DYNC2LI1: variants seen among roughly 807,000 people sequenced by gnomAD.
The protein encoded by DYNC2LI1 is cytoplasmic dynein 2 light intermediate chain 1.
DYNC2LI1 carries 45 observed loss-of-function variants against 51.9 expected under a neutral mutation model. That is an observed-to-expected ratio of 0.87 (90% CI 0.68 to 1.11). The LOEUF is 1.11. DYNC2LI1 is among the 50% of genes most tolerant of loss of function. The pLI, the probability that DYNC2LI1 is intolerant of heterozygous loss-of-function variation, is 0.00. For synonymous variants in DYNC2LI1, 130 were observed against 137.8 expected (o/e 0.94, Z 0.40); for missense variants, 490 against 417.4 (o/e 1.17, Z -1.51).
chr2:43,782,791 A>C (rs140751212), intron 2 of DYNC2LI1, among the ~76,000 whole-genome samples: 2 of 152,018 alleles, frequency 1.3e-5, no homozygotes, highest in Non-Finnish European at 2.9e-5. Flanking sequence ...AGACCAGCCT[A>C]GCCAACATGG....
chr2:43,785,771 A>G (rs1389553360), intron 3 of DYNC2LI1, among the ~76,000 whole-genome samples: 3 of 151,944 alleles, frequency 2.0e-5, no homozygotes, highest in African/African-American at 7.2e-5. Context: ...ATCTAAAATA[A>G]TCAAACTCAG....
chr2:43,818,487 G>A, the DYNC2LI1 span, among the ~76,000 whole-genome samples: 86 of 152,236 alleles, frequency 5.6e-4, no homozygotes, highest in East Asian at 0.015. Flanking sequence ...TACAGAACGA[G>A]TATCACTTTC....
At chr2:43,806,616 A>G (rs551577857) in intron 12 of DYNC2LI1, among the ~76,000 whole-genome samples, 1 of 152,324 alleles carries the variant, frequency 6.6e-6, no homozygotes, top group East Asian at 1.9e-4. Context: ...ATATTTATCT[A>G]GGAGTCAATG....
chr2:43,790,180 A>G (rs1673709202), intron 5 of DYNC2LI1, among the ~76,000 whole-genome samples: 1 of 152,220 alleles, frequency 6.6e-6, no homozygotes, highest in African/African-American at 2.4e-5. Context: ...ATGTCGGAGA[A>G]GAGAGAAAGT....
At chr2:43,794,736 G>T in intron 6 of DYNC2LI1, 93 bp downstream of exon 6, 2 of 1,599,750 alleles carry the variant, frequency 1.3e-6, no homozygotes, top group South Asian at 2.2e-5. Context: ...TTTTATGCAT[G>T]ACTTGAAATT....
the DYNC2LI1 span, chr2:43,824,218 C>G: frequency 1.2e-6 from 2 of 1,614,156 alleles, no homozygotes; most frequent in South Asian, 1.1e-5. Flanking sequence ...GAGCCTCTTA[C>G]CTCAGGAGAA....
At chr2:43,786,622 A>G (rs979631442) in intron 3 of DYNC2LI1, among the ~76,000 whole-genome samples, 7 of 152,142 alleles carry the variant, frequency 4.6e-5, no homozygotes, top group Admixed American at 2.0e-4. Context: ...CAGGAGATCT[A>G]GACCATCCTG....
intron 6 of DYNC2LI1, 32 bp from the exon 7 acceptor site, chr2:43,795,858 A>G: frequency 6.4e-7 from 1 of 1,566,494 alleles, no homozygotes; most frequent in South Asian, 1.1e-5. Flanking sequence ...ATAAAGAATT[A>G]CAACAACTCA....
chr2:43,798,450 TAC>T (rs3838569), intron 8 of DYNC2LI1, among the ~76,000 whole-genome samples: 25,452 of 152,100 alleles, frequency 0.17, 3,231 homozygotes, highest in African/African-American at 0.34. Context: ...TCATCGAGGG[TAC>T]AGAGGTAAAG....
chr2:43,799,324 G>A (rs1019539692), intron 8 of DYNC2LI1, among the ~76,000 whole-genome samples: 4 of 151,892 alleles, frequency 2.6e-5, no homozygotes, highest in African/African-American at 9.7e-5. Context: ...TATGCTCCTC[G>A]CCCCCCAAAA....
rs1388169975 is a variant in DYNC2LI1, at chr2:43,785,411, C to G, written c.162-1770C>G. On this transcript the variant is annotated intron_variant, in intron 3 of 12. Transcript: ENST00000260605. Reference sequence around the variant, plus strand: ...CATGGATGAACCTTGAGGCATTATGCTAAGTTAAATGAGCCAGAAACAAAA... The same window carrying G: ...CATGGATGAACCTTGAGGCATTATGGTAAGTTAAATGAGCCAGAAACAAAA... Among the ~76,000 whole-genome samples the G allele has an allele frequency of 2.0e-5, 3 of 151,762 alleles. No individual in the cohort carries two copies. In the East Asian group the frequency reaches 5.8e-4, roughly 29 times the overall value.
At chr2:43,798,917 GT>G (rs11311292) in intron 8 of DYNC2LI1, among the ~76,000 whole-genome samples, 21,023 of 145,938 alleles carry the variant, frequency 0.14, 2,057 homozygotes, top group African/African-American at 0.27. Flanking sequence ...ATTTAGCAGG[GT>G]TTTTTTTTTT....
At chr2:43,821,207 C>T in the DYNC2LI1 span, among the ~76,000 whole-genome samples, 11,336 of 152,196 alleles carry the variant, frequency 0.074, 576 homozygotes, top group Admixed American at 0.19. Context: ...CTATCAATGC[C>T]GTTCCTCATT....
chr2:43,787,829 T>G (rs1307406876), intron 4 of DYNC2LI1, among the ~76,000 whole-genome samples: 1 of 152,154 alleles, frequency 6.6e-6, no homozygotes, highest in Non-Finnish European at 1.5e-5. Flanking sequence ...AAGAGATCAT[T>G]TCTTAAAGTT....
intron 5 of DYNC2LI1, chr2:43,793,573 G>A (rs951719449): frequency 2.6e-5 from 4 of 151,344 alleles, no homozygotes; most frequent in African/African-American, 9.7e-5. Context: ...CTTCTTTGGC[G>A]AAATGTCTAT....
chr2:43,805,155 GTA>G lies in DYNC2LI1; in HGVS notation c.904_905del (p.Ile302Ter). On this transcript the variant is annotated frameshift_variant and splice_region_variant, in exon 12 of 13. Coordinates refer to ENST00000260605, the MANE Select transcript of DYNC2LI1 (RefSeq NM_016008.4). LOFTEE classifies it high-confidence loss of function. Reference sequence around the variant, plus strand: ...TGATTTTGAGATTTGTAATTTCAGAGTATTAACACGCTGAAAGATATCAAGGA... The same window carrying G: ...TGATTTTGAGATTTGTAATTTCAGAGTTAACACGCTGAAAGATATCAAGGA... The G allele has an allele frequency of 6.2e-7, 1 of 1,603,532 alleles. No homozygotes were observed. Among genetic ancestry groups the G allele is most frequent in the South Asian group, 1.1e-5 (1 of 89,924 alleles).
rs376402052 is a variant in DYNC2LI1 at position 43,800,920 on chromosome 2, A to G, written c.731+3A>G. 2 of 1,578,236 alleles carry G rather than the reference A, an allele frequency of 1.3e-6. No individual in the cohort carries two copies. The highest frequency in any genetic ancestry group is 1.4e-5 in the African/African-American group (1 of 73,896). ...TTGGCATTTGGCATTGACAAAAGGT[A>G]CTGCTAAGATATTTTTTATATCATT... On this transcript the variant is annotated splice_donor_region_variant and intron_variant, in intron 9 of 12. Coordinates refer to ENST00000260605, the MANE Select transcript of DYNC2LI1 (RefSeq NM_016008.4).
intron 5 of DYNC2LI1, 115 bp from the exon 6 acceptor site, chr2:43,794,341 GT>G (rs139025014): frequency 8.9e-5 from 100 of 1,123,656 alleles, no homozygotes; most frequent in Admixed American, 2.1e-4. Context: ...TAATGCTACG[GT>G]TTTTTTTTCC....
At position 43,794,641 on chromosome 2, in the gene DYNC2LI1, C is replaced by A; in HGVS notation, c.505C>A (p.Pro169Thr). Residue 169 changes from proline to threonine, a missense_variant and splice_region_variant, in exon 6 of 13, where the codon CCT (proline) becomes ACT (threonine). Transcript: ENST00000260605. ...CTGGAATAATATGCCGAAGGATCAT[C>A]CTGTGAGTTGCTGTTTGGGATTATT... is the stretch of plus-strand genomic sequence containing the variant. ...KIWNNMPKDH[P>T]DHELIDPFPV... is the part of the protein sequence containing the mutation. 1.2e-6 allele frequency: 2 copies of A among 1,614,038 alleles called. No homozygotes were observed. Among genetic ancestry groups the A allele is most frequent in the Non-Finnish European group, 1.7e-6 (2 of 1,179,968 alleles).
Sources: gnomAD v4.1 joint callset for allele counts (sites outside exome capture counted in the v4.1 genomes callset) on GRCh38, gnomAD v4.1.1 for gene constraint, MANE v1.5 for transcripts, NCBI Gene and HGNC (gene_info 2026-07-23, HGNC 2026-07-21) for gene names.